The following PKHD1L1 variants were observed in gnomAD, a reference collection of about 807,000 sequenced individuals.
PKHD1L1 encodes the protein PKHD1 like 1, also known as fibrocystin-L.
In PKHD1L1, 434 loss-of-function variants were observed where a neutral mutation model predicts 462.9. The ratio of observed to expected loss-of-function variants is 0.94; its 90% confidence interval spans 0.87 to 1.02. The LOEUF (loss-of-function observed/expected upper bound fraction) is 1.02, where lower values mean the gene tolerates loss of function less well. PKHD1L1 is among the 50% of genes least tolerant of loss of function. The pLI is 0.00. For synonymous variants in PKHD1L1, 1,781 were observed against 1,750.0 expected, an observed-to-expected ratio of 1.02 and a Z score of -0.44; for missense variants, 5,202 against 5,096.1, an observed-to-expected ratio of 1.02 and a Z score of -0.63.
intron 18 of PKHD1L1, among the ~76,000 whole-genome samples, chr8:109,409,369 C>A (rs1196149481): frequency 2.0e-5 from 3 of 152,024 alleles, no homozygotes; most frequent in Admixed American, 6.6e-5. Flanking sequence ...CCTGCCTCAG[C>A]CTCCTGAGTA....
intron 2 of PKHD1L1, among the ~76,000 whole-genome samples, chr8:109,366,905 G>A (rs1223825667): frequency 6.6e-6 from 1 of 151,962 alleles, no homozygotes; most frequent in Admixed American, 6.6e-5. Context: ...TGTTGGCCAG[G>A]CTGGTCTTGA....
intron 50 of PKHD1L1, among the ~76,000 whole-genome samples, chr8:109,469,041 T>C (rs1817587528): frequency 6.6e-6 from 1 of 152,146 alleles, no homozygotes; most frequent in South Asian, 2.1e-4. Flanking sequence ...CAATCAGCTA[T>C]CACAGATTCC....
intron 32 of PKHD1L1, among the ~76,000 whole-genome samples, chr8:109,440,448 T>C (rs1016266037): frequency 6.6e-5 from 10 of 152,258 alleles, no homozygotes; most frequent in Middle Eastern, 3.4e-3. Context: ...TATTTTTCCA[T>C]AATATTGTAG....
chr8:109,429,423 A>T lies in PKHD1L1; in HGVS notation c.3084A>T (p.Val1028=), dbSNP rs762605468. 1 of 1,607,496 alleles carries T rather than the reference A, an allele frequency of 6.2e-7. No individual in the cohort carries two copies. Among genetic ancestry groups the T allele is most frequent in the Admixed American group, 1.7e-5 (1 of 59,344 alleles). Reference sequence around the variant, plus strand: ...AAGGTGGCTTATTCAGACAACATGTACTTGGAGACCTACTTCGTACACCCA... The same window carrying T: ...AAGGTGGCTTATTCAGACAACATGTTCTTGGAGACCTACTTCGTACACCCA... ...IKEGGLFRQH[V]LGDLLRTPSQ... Residue 1028 remains valine, a synonymous_variant, in exon 26 of 78, where the codon GTA becomes GTT. Transcript: ENST00000378402.
At chr8:109,395,941 T>G (rs1279239640) in intron 10 of PKHD1L1, 86 bp from the exon 11 acceptor site, 1 of 846,388 alleles carries the variant, frequency 1.2e-6, no homozygotes, top group Non-Finnish European at 1.9e-6. Flanking sequence ...GCACTATGGC[T>G]AGGTAATTTG....
chr8:109,463,956 T>A (rs1024843926), intron 48 of PKHD1L1, among the ~76,000 whole-genome samples: 3 of 152,164 alleles, frequency 2.0e-5, no homozygotes, highest in Admixed American at 1.3e-4. Flanking sequence ...AGTTTACTAA[T>A]ATACCAAGGC....
chr8:109,364,715 C>A (rs1406602298), intron 2 of PKHD1L1, 79 bp downstream of exon 2: 2 of 823,104 alleles, frequency 2.4e-6, no homozygotes, highest in Admixed American at 3.4e-5. Context: ...GCTTTATGGA[C>A]AAACAAACAA....
intron 71 of PKHD1L1, 49 bp from the exon 72 acceptor site, chr8:109,515,121 A>G: frequency 4.4e-6 from 6 of 1,373,026 alleles, no homozygotes; most frequent in Non-Finnish European, 5.9e-6. Flanking sequence ...GTGCTAAATT[A>G]CAAATATTCT....
At chr8:109,458,280 C>T (rs932403718) in intron 46 of PKHD1L1, among the ~76,000 whole-genome samples, 2 of 152,120 alleles carry the variant, frequency 1.3e-5, no homozygotes, top group African/African-American at 4.8e-5. Context: ...GCATGTCTCT[C>T]AGCTTTCTCT....
chr8:109,417,261 G>T (rs1158390612), intron 21 of PKHD1L1, among the ~76,000 whole-genome samples: 1 of 151,874 alleles, frequency 6.6e-6, no homozygotes, highest in Admixed American at 6.6e-5. Context: ...CATTTTACAT[G>T]ATATGATTAT....
At chr8:109,388,345 AGT>A (rs1356179989) in intron 6 of PKHD1L1, among the ~76,000 whole-genome samples, 150 bp from the exon 7 acceptor site, 1 of 152,214 alleles carries the variant, frequency 6.6e-6, no homozygotes, top group Non-Finnish European at 1.5e-5. Flanking sequence ...ATAGAGGTTC[AGT>A]AGATGTTTTG....
At chr8:109,493,929 G>C (rs983361484) in intron 63 of PKHD1L1, among the ~76,000 whole-genome samples, 178 bp downstream of exon 63, 1 of 151,514 alleles carries the variant, frequency 6.6e-6, no homozygotes, top group African/African-American at 2.4e-5. Flanking sequence ...TAAATAAATA[G>C]GTTTCTAAGG....
chr8:109,536,804 TAAC>T lies in PKHD1L1; in HGVS notation c.*6717_*6719del, dbSNP rs1821153861. On this transcript the variant is annotated 3_prime_UTR_variant, in exon 78 of 78. Transcript: ENST00000378402. ...CAATAAAAGTTACTGCTAATTGTAA[TAAC>T]AATTATGAGGAAAAATTTATTTAAA... 6.6e-6 allele frequency among the ~76,000 whole-genome samples: 1 copy of T among 152,220 alleles called. No homozygotes were observed. Among genetic ancestry groups the T allele is most frequent in the African/African-American group, 2.4e-5 (1 of 41,452 alleles).
At chr8:109,443,612 T>A (rs1815937946) in intron 36 of PKHD1L1, 64 bp from the exon 37 acceptor site, 1 of 1,277,122 alleles carries the variant, frequency 7.8e-7, no homozygotes, top group African/African-American at 1.5e-5. Context: ...AGTAACGCAG[T>A]TTGAAAACAG....
intron 2 of PKHD1L1, among the ~76,000 whole-genome samples, chr8:109,371,682 A>G (rs1348228655): frequency 8.3e-4 from 97 of 117,570 alleles, no homozygotes; most frequent in African/African-American, 2.9e-3. Context: ...AATTTTTGAT[A>G]AGGTGTAAGG....
At chr8:109,367,421 A>T (rs1002686941) in intron 2 of PKHD1L1, among the ~76,000 whole-genome samples, 5 of 152,274 alleles carry the variant, frequency 3.3e-5, no homozygotes, top group African/African-American at 1.2e-4. Flanking sequence ...ATTATAAAAC[A>T]GTAAAATATT....
chr8:109,510,743 T>C (rs370269046), intron 70 of PKHD1L1, 34 bp from the exon 71 acceptor site: 1 of 1,595,736 alleles, frequency 6.3e-7, no homozygotes, highest in Non-Finnish European at 8.5e-7. Context: ...ATGTATGATA[T>C]AGGAGTATGC....
rs1266628014 is a variant in PKHD1L1 at position 109,408,129 on chromosome 8, C to T, written c.1894C>T (p.Pro632Ser). ...TATTACAGAACAAACCAAAGGAAAACCCAACTTGGAGACATTCACACTGAA... is the reference window on the plus strand; with the variant it reads ...TATTACAGAACAAACCAAAGGAAAATCCAACTTGGAGACATTCACACTGAA... ...LDITEQTKGK[P>S]NLETFTLNWD... is the part of the protein sequence containing the mutation. Residue 632 changes from proline (P) to serine (S), a missense_variant, in exon 18 of 78, where the codon CCC (proline) becomes TCC (serine). Physicochemically the swap from Pro to Ser is moderately conservative, Grantham distance 74 (BLOSUM62 -1). Coordinates refer to ENST00000378402, the MANE Select transcript of PKHD1L1 (RefSeq NM_177531.6). 6.2e-7 allele frequency: 1 copy of T among 1,613,150 alleles called. No homozygotes were observed. Among genetic ancestry groups the T allele is most frequent in the South Asian group, 1.1e-5 (1 of 91,058 alleles).
intron 67 of PKHD1L1, among the ~76,000 whole-genome samples, chr8:109,503,216 AAT>A (rs1819516124): frequency 2.0e-5 from 3 of 151,448 alleles, no homozygotes; most frequent in Non-Finnish European, 4.4e-5. Flanking sequence ...GCTGAGGCAG[AAT>A]TGCTTGAACC....
Sources: gnomAD v4.1 joint callset for allele counts (sites outside exome capture counted in the v4.1 genomes callset) on GRCh38, gnomAD v4.1.1 for gene constraint, MANE v1.5 for transcripts, NCBI Gene and HGNC (gene_info 2026-07-23, HGNC 2026-07-21) for gene names.